ADGRL2: variants seen among roughly 807,000 people sequenced by gnomAD.
The protein encoded by ADGRL2 is adhesion G protein-coupled receptor L2, also known as calcium-independent alpha-latrotoxin receptor 2.
Under a neutral mutation model 157.4 loss-of-function variants are expected in ADGRL2, and 44 were observed. The ratio of observed to expected loss-of-function variants is 0.28; its 90% CI spans 0.22 to 0.36. The LOEUF is 0.36. Ranked by LOEUF, ADGRL2 falls within the 10% of genes least tolerant of loss-of-function variation. The probability of loss-of-function intolerance (pLI) is 1.00; values close to 1 mark genes in which losing one functional copy is unlikely to be tolerated. For synonymous variants in ADGRL2, 585 were observed against 624.7 expected (o/e 0.94, Z 0.95); for missense variants, 1,510 against 1,768.9 (o/e 0.85, Z 2.63).
chr1:81,818,859 C>T (rs2149806800), intron 1 of ADGRL2, among the ~76,000 whole-genome samples: 2 of 152,174 alleles, frequency 1.3e-5, no homozygotes, highest in South Asian at 4.1e-4. Context: ...TTATTTAGAA[C>T]TGAAGGCAGA....
At chr1:81,703,745 C>T (rs2149042951) in intron 1 of ADGRL2, among the ~76,000 whole-genome samples, 1 of 152,314 alleles carries the variant, frequency 6.6e-6, no homozygotes, top group South Asian at 2.1e-4. Context: ...TTCACTTAAA[C>T]ATTAACTTGT....
chr1:81,850,336 T>C (rs1354710642), intron 2 of ADGRL2, among the ~76,000 whole-genome samples: 1 of 151,882 alleles, frequency 6.6e-6, no homozygotes, highest in African/African-American at 2.4e-5. Flanking sequence ...CTCCTCCTCT[T>C]TTACCCCTTC....
intron 2 of ADGRL2, among the ~76,000 whole-genome samples, chr1:81,448,137 C>CTTTTTTTTTTTTTTTTTTTTTTTTTTTTT (rs1168945231): frequency 1.2e-5 from 1 of 83,502 alleles, no homozygotes; most frequent in South Asian, 5.1e-4. Context: ...TTCTTTCTTT[C>CTTTTTTTTTTTTTTTTTTTTTTTTTTTTT]TTTTTTTTTT....
chr1:81,608,264 G>T (rs1236017626), intron 3 of ADGRL2, among the ~76,000 whole-genome samples: 2 of 152,134 alleles, frequency 1.3e-5, no homozygotes, highest in Non-Finnish European at 2.9e-5. Flanking sequence ...GAATCAGCCT[G>T]AGAGCTGTTG....
intron 2 of ADGRL2, among the ~76,000 whole-genome samples, chr1:81,903,089 A>T (rs139629814): frequency 5.9e-5 from 9 of 152,226 alleles, no homozygotes; most frequent in Non-Finnish European, 1.0e-4. Flanking sequence ...AGACTTTGAA[A>T]TGGCTTTAAT....
intron 2 of ADGRL2, among the ~76,000 whole-genome samples, chr1:81,513,553 A>G (rs758639477): frequency 2.0e-5 from 3 of 152,176 alleles, no homozygotes; most frequent in Non-Finnish European, 2.9e-5. Flanking sequence ...TCATGTTTAT[A>G]AAAGAGGGAA....
chr1:81,527,009 T>C (rs2079474778), intron 2 of ADGRL2, among the ~76,000 whole-genome samples: 1 of 152,236 alleles, frequency 6.6e-6, no homozygotes, highest in Non-Finnish European at 1.5e-5. Context: ...TTGGGTGGTA[T>C]TAAAATCAAA....
chr1:81,637,044 C>T (rs984341741), intron 3 of ADGRL2, among the ~76,000 whole-genome samples: 24 of 152,080 alleles, frequency 1.6e-4, no homozygotes, highest in Non-Finnish European at 2.4e-4. Context: ...CCATGTTGGC[C>T]AGTTTGATTG....
intron 1 of ADGRL2, among the ~76,000 whole-genome samples, chr1:81,389,426 G>C (rs1246957252): frequency 6.6e-6 from 1 of 152,124 alleles, no homozygotes; most frequent in Non-Finnish European, 1.5e-5. Context: ...ATGCATAGAA[G>C]GGAGATATTG....
chr1:81,864,233 T>G (rs2093468322), intron 2 of ADGRL2, among the ~76,000 whole-genome samples: 1 of 152,194 alleles, frequency 6.6e-6, no homozygotes, highest in African/African-American at 2.4e-5. Flanking sequence ...AGACTCAGTG[T>G]GAGCCTCAGA....
intron 2 of ADGRL2, among the ~76,000 whole-genome samples, chr1:81,555,265 C>CTTTTTT (rs71666308): frequency 5.6e-4 from 65 of 115,860 alleles, no homozygotes; most frequent in Non-Finnish European, 7.6e-4. Context: ...TATTTCTTTT[C>CTTTTTT]TTTTTTTTTT....
In ADGRL2 at chr1:81,615,971, A is replaced by C. The variant is rs191204156; in HGVS notation, c.-143+34991A>C. Among the ~76,000 whole-genome samples, 37 of 152,276 alleles carry C rather than the reference A, an allele frequency of 2.4e-4. 1 individual carries two copies. In the East Asian group the frequency reaches 6.8e-3, roughly 28 times the overall value. On this transcript the variant is annotated intron_variant, in intron 3 of 24. Coordinates refer to the ADGRL2 transcript ENST00000370721. The stretch of plus-strand genomic sequence containing the variant: ...TGGGAGTTTTGAAGCAGACAGCTTC[A>C]GACTGCAGGTATCAATCATTTCACC...
chr1:81,709,130 C>G (rs575892120), intron 1 of ADGRL2, among the ~76,000 whole-genome samples: 2 of 152,126 alleles, frequency 1.3e-5, no homozygotes, highest in East Asian at 1.9e-4. Flanking sequence ...GCCAATGAAA[C>G]GATGATATAC....
intron 2 of ADGRL2, among the ~76,000 whole-genome samples, chr1:81,449,272 T>C (rs2077661871): frequency 6.6e-6 from 1 of 151,974 alleles, no homozygotes; most frequent in Admixed American, 6.5e-5. Context: ...TACATAGTGC[T>C]TTTGGGGGCT....
At chr1:81,674,551 T>A (rs896718009) in intron 3 of ADGRL2, among the ~76,000 whole-genome samples, 1 of 152,192 alleles carries the variant, frequency 6.6e-6, no homozygotes, top group African/African-American at 2.4e-5. Flanking sequence ...GGACACCAAA[T>A]TGTTGCAATT....
chr1:81,930,903 G>A (rs368621564), intron 3 of ADGRL2, among the ~76,000 whole-genome samples: 1 of 152,156 alleles, frequency 6.6e-6, no homozygotes, highest in African/African-American at 2.4e-5. Context: ...AGGCCAAGGC[G>A]GGTGGATCAC....
At chr1:81,826,488 C>A (rs1462223990) in intron 1 of ADGRL2, among the ~76,000 whole-genome samples, 2 of 152,140 alleles carry the variant, frequency 1.3e-5, no homozygotes, top group East Asian at 3.9e-4. Flanking sequence ...ATTGTGTGTG[C>A]ATAAGCTGCA....
chr1:81,658,700 T>C (rs2082587499), intron 3 of ADGRL2, among the ~76,000 whole-genome samples: 1 of 152,194 alleles, frequency 6.6e-6, no homozygotes, highest in Admixed American at 6.6e-5. Flanking sequence ...ATATCGTCTA[T>C]TTTTAATTCC....
chr1:81,555,624 A>G (rs976949979), intron 2 of ADGRL2, among the ~76,000 whole-genome samples: 1 of 152,032 alleles, frequency 6.6e-6, no homozygotes, highest in African/African-American at 2.4e-5. Context: ...GCGACCTGAA[A>G]AACTAACAAG....
Sources: allele counts gnomAD v4.1 joint callset (sites outside exome capture counted in the v4.1 genomes callset), GRCh38; gene constraint gnomAD v4.1.1; transcripts MANE v1.5; gene names NCBI Gene and HGNC (gene_info 2026-07-23, HGNC 2026-07-21).